TMEM132C: variants seen among roughly 807,000 people sequenced by gnomAD.
TMEM132C encodes the protein protein phosphatase 1, regulatory subunit 152.
Under a neutral mutation model 61.4 loss-of-function variants are expected in TMEM132C, and 29 were observed. The ratio of observed to expected loss-of-function variants is 0.47; its 90% confidence interval spans 0.35 to 0.64. The LOEUF is 0.64. TMEM132C is among the 30% of genes least tolerant of loss of function. The probability of loss-of-function intolerance (pLI) is 0.00; values close to 1 mark genes in which losing one functional copy is unlikely to be tolerated. For missense variants in TMEM132C, 1,408 were observed against 1,476.9 expected, an observed-to-expected ratio of 0.95 and a Z score of 0.76; for synonymous variants, 656 against 633.1, an observed-to-expected ratio of 1.04 and a Z score of -0.54.
At chr12:128,296,524 A>G (rs1297625715) in intron 1 of TMEM132C, among the ~76,000 whole-genome samples, 1 of 152,194 alleles carries the variant, frequency 6.6e-6, no homozygotes, top group African/African-American at 2.4e-5. Context: ...TCTCTCAAAA[A>G]CAAAGGAGGG....
At chr12:128,701,075 A>G (rs1954800382) in intron 8 of TMEM132C, among the ~76,000 whole-genome samples, 1 of 152,178 alleles carries the variant, frequency 6.6e-6, no homozygotes, top group Non-Finnish European at 1.5e-5. Flanking sequence ...TAGAAAGGCC[A>G]GAAGAGTTAC....
intron 3 of TMEM132C, among the ~76,000 whole-genome samples, chr12:128,582,878 G>A (rs534758427): frequency 1.2e-3 from 180 of 152,190 alleles, no homozygotes; most frequent in African/African-American, 3.8e-3. Context: ...GGGCTCAAGC[G>A]ATCCTCCCAC....
At chr12:128,444,803 C>T (rs1869917271) in intron 2 of TMEM132C, among the ~76,000 whole-genome samples, 1 of 152,212 alleles carries the variant, frequency 6.6e-6, no homozygotes, top group Non-Finnish European at 1.5e-5. Flanking sequence ...TCTCTGTTCC[C>T]TCTCTGATTG....
At chr12:128,565,021 T>C (rs1593101696) in intron 3 of TMEM132C, among the ~76,000 whole-genome samples, 1 of 152,242 alleles carries the variant, frequency 6.6e-6, no homozygotes, top group African/African-American at 2.4e-5. Flanking sequence ...AAAAATATTA[T>C]GGGATATCTA....
chr12:128,513,452 A>G (rs193245616), intron 2 of TMEM132C, among the ~76,000 whole-genome samples: 1 of 152,272 alleles, frequency 6.6e-6, no homozygotes, highest in Admixed American at 6.5e-5. Context: ...CTCGTCAGGG[A>G]GAAAGGAATA....
At chr12:128,550,933 C>T (rs1040048704) in intron 3 of TMEM132C, among the ~76,000 whole-genome samples, 9 of 152,162 alleles carry the variant, frequency 5.9e-5, no homozygotes, top group Admixed American at 6.5e-5. Context: ...AGCTCAGCCC[C>T]ATCTCCCCCA....
At chr12:128,593,584 A>G (rs1259694201) in intron 3 of TMEM132C, among the ~76,000 whole-genome samples, 2 of 152,214 alleles carry the variant, frequency 1.3e-5, no homozygotes, top group Non-Finnish European at 2.9e-5. Flanking sequence ...GTCCTGCTCC[A>G]GCAGCTCTGT....
At chr12:128,530,696 G>A (rs2136135501) in intron 2 of TMEM132C, among the ~76,000 whole-genome samples, 1 of 152,238 alleles carries the variant, frequency 6.6e-6, no homozygotes, top group South Asian at 2.1e-4. Context: ...ACCCGCCTTG[G>A]CCTCCCAAAG....
Position 128,278,762 on chromosome 12 carries a change from G to GTGTGTC in TMEM132C, c.85+11280_85+11281insCTGTGT, listed in dbSNP as rs1870782157. ...ATTCTATACGTGTATGTGTGTGTGT[G>GTGTGTC]TGTGTGTGTGTGTGTGTGTGTGTGT... On this transcript the variant is annotated intron_variant, in intron 1 of 8. Coordinates refer to ENST00000435159, the MANE Select transcript of TMEM132C (RefSeq NM_001136103.3). This position sits in a 1 kb window ranked among gnomAD's most constrained non-coding sequence, Gnocchi z 4.2. Among the ~76,000 whole-genome samples the GTGTGTC allele has an allele frequency of 6.6e-6, 1 of 151,714 alleles. No individual in the cohort carries two copies. Among genetic ancestry groups the GTGTGTC allele is most frequent in the South Asian group, 2.1e-4 (1 of 4,792 alleles).
chr12:128,594,202 G>A (rs1306632145), intron 3 of TMEM132C, among the ~76,000 whole-genome samples: 1 of 152,040 alleles, frequency 6.6e-6, no homozygotes, highest in Non-Finnish European at 1.5e-5. Context: ...ACAGACTCTG[G>A]GCAGTGTCCC....
chr12:128,677,719 C>T (rs542293358), intron 5 of TMEM132C, among the ~76,000 whole-genome samples: 3 of 152,354 alleles, frequency 2.0e-5, no homozygotes, highest in Admixed American at 2.0e-4. Flanking sequence ...GGTTGCTAGG[C>T]ACTGCCCAGG....
intron 1 of TMEM132C, among the ~76,000 whole-genome samples, chr12:128,305,033 T>G (rs149708948): frequency 2.0e-5 from 3 of 152,042 alleles, no homozygotes; most frequent in Middle Eastern, 3.4e-3. Flanking sequence ...TGGGGAGAGA[T>G]AGAAAATGGG....
chr12:128,329,803 A>T (rs958991744), intron 1 of TMEM132C, among the ~76,000 whole-genome samples: 3 of 152,178 alleles, frequency 2.0e-5, no homozygotes, highest in Non-Finnish European at 4.4e-5. Context: ...GTGGCTAAAC[A>T]TTACTGAGAA....
At chr12:128,457,021 A>C (rs1870369388) in intron 2 of TMEM132C, among the ~76,000 whole-genome samples, 1 of 152,096 alleles carries the variant, frequency 6.6e-6, no homozygotes, top group Non-Finnish European at 1.5e-5. Flanking sequence ...ACTTCCTTAT[A>C]TGAATACACT....
intron 2 of TMEM132C, among the ~76,000 whole-genome samples, chr12:128,475,295 T>C (rs989531651): frequency 6.6e-6 from 1 of 152,202 alleles, no homozygotes; most frequent in Admixed American, 6.5e-5. Context: ...AGGTCACATA[T>C]TGTACTTATT....
At chr12:128,664,207 C>CCCAT (rs1954433486) in intron 4 of TMEM132C, among the ~76,000 whole-genome samples, 2 of 92,032 alleles carry the variant, frequency 2.2e-5, no homozygotes, top group South Asian at 2.6e-4. Context: ...CACAGGCACA[C>CCCAT]ACACATGCCT....
chr12:128,267,642 C>G (rs1168247659), intron 1 of TMEM132C, among the ~76,000 whole-genome samples, 155 bp downstream of exon 1: 1 of 152,126 alleles, frequency 6.6e-6, no homozygotes, highest in Non-Finnish European at 1.5e-5. Context: ...CCGAGCCGCC[C>G]CTAATCCAGA....
intron 2 of TMEM132C, among the ~76,000 whole-genome samples, chr12:128,515,097 C>T (rs1490574005): frequency 2.6e-5 from 4 of 152,194 alleles, no homozygotes; most frequent in East Asian, 1.9e-4. Flanking sequence ...TGGTTAAAAT[C>T]GAATAATCTT....
chr12:128,497,361 C>G (rs1179914034), intron 2 of TMEM132C, among the ~76,000 whole-genome samples: 6 of 152,222 alleles, frequency 3.9e-5, no homozygotes, highest in Admixed American at 1.3e-4. Flanking sequence ...TCAAAGCTGT[C>G]AGACAGGGAC....
Sources: allele counts gnomAD v4.1 joint callset (sites outside exome capture counted in the v4.1 genomes callset), GRCh38; gene constraint gnomAD v4.1.1; non-coding constraint Gnocchi (gnomAD v3.1); transcripts MANE v1.5; gene names NCBI Gene and HGNC (gene_info 2026-07-23, HGNC 2026-07-21).